Variants in MSI1 observed in about 807,000 individuals in gnomAD.
The protein encoded by MSI1 is RNA-binding protein Musashi homolog 1.
In MSI1, 15 loss-of-function variants were observed where a neutral mutation model predicts 54.4. The observed-to-expected ratio is 0.28, with a 90% confidence interval of 0.18 to 0.42. The LOEUF (loss-of-function observed/expected upper bound fraction) is 0.42. MSI1 is among the 20% of genes least tolerant of loss of function. The pLI, the probability that MSI1 is intolerant of heterozygous loss-of-function variation, is 1.00. For synonymous variants in MSI1, 200 were observed against 196.5 expected, an observed-to-expected ratio of 1.02 and a Z score of -0.15; for missense variants, 304 against 506.0, an observed-to-expected ratio of 0.60 and a Z score of 3.83.
intron 11 of MSI1, 104 bp from the exon 12 acceptor site, chr12:120,347,618 C>A: frequency 7.2e-7 from 1 of 1,389,104 alleles, no homozygotes; most frequent in South Asian, 1.2e-5. Flanking sequence ...GGCCCTACCT[C>A]AGAGGGTTCC....
intron 7 of MSI1, among the ~76,000 whole-genome samples, chr12:120,358,589 C>A (rs190509879): frequency 6.6e-6 from 1 of 152,290 alleles, no homozygotes; most frequent in East Asian, 1.9e-4. Flanking sequence ...ACGGTGTGGC[C>A]CAGATGCTCA....
At chr12:120,347,252 C>T (rs972956404) in intron 12 of MSI1, among the ~76,000 whole-genome samples, 194 bp downstream of exon 12, 1 of 152,214 alleles carries the variant, frequency 6.6e-6, no homozygotes, top group Non-Finnish European at 1.5e-5. Context: ...GCCCAGCCGA[C>T]CCTGTCAGTC....
At chr12:120,364,991 A>G (rs571065094) in intron 4 of MSI1, among the ~76,000 whole-genome samples, 1 of 152,084 alleles carries the variant, frequency 6.6e-6, no homozygotes, top group African/African-American at 2.4e-5. Flanking sequence ...GCTCACTGCA[A>G]CCTCTGCCTC....
chr12:120,366,419 G>A (rs192730512), intron 4 of MSI1, among the ~76,000 whole-genome samples: 23 of 152,068 alleles, frequency 1.5e-4, no homozygotes, highest in African/African-American at 5.5e-4. Flanking sequence ...CATTTCTCCC[G>A]CCTGAAGTTT....
At chr12:120,358,634 C>T (rs1875349889) in intron 7 of MSI1, among the ~76,000 whole-genome samples, 1 of 152,008 alleles carries the variant, frequency 6.6e-6, no homozygotes, top group African/African-American at 2.4e-5. Flanking sequence ...GGGCTGGGGG[C>T]TGGGCAGGAG....
Position 120,346,264 on chromosome 12 carries a change from G to T in MSI1, c.918C>A (p.Gly306=). Reference sequence around the variant, plus strand: ...GGCCGGGGCTGGTGGTCCCCAGGAAGCCCCCTGTGCGGCTGGGAGTCGAAC... The same window carrying T: ...GGCCGGGGCTGGTGGTCCCCAGGAATCCCCCTGTGCGGCTGGGAGTCGAAC... ...PPGSTPSRTG[G]FLGTTSPGPM... The change falls in exon 13 of 15, where the codon GGC becomes GGA. Residue 306 remains glycine (G), a synonymous_variant. Coordinates refer to ENST00000257552, the MANE Select transcript of MSI1 (RefSeq NM_002442.4). 1.9e-6 allele frequency: 3 copies of T among 1,591,776 alleles called. No individual in the cohort carries two copies. Among genetic ancestry groups the T allele is most frequent in the Non-Finnish European group, 2.6e-6 (3 of 1,169,910 alleles).
At chr12:120,362,247 T>C (rs1875721421) in intron 6 of MSI1, among the ~76,000 whole-genome samples, 1 of 151,920 alleles carries the variant, frequency 6.6e-6, no homozygotes, top group Non-Finnish European at 1.5e-5. Flanking sequence ...GATGGGAAAG[T>C]AGAGACCCAG....
intron 9 of MSI1, among the ~76,000 whole-genome samples, chr12:120,355,330 A>G (rs1054264924): frequency 6.6e-6 from 1 of 150,984 alleles, no homozygotes; most frequent in Middle Eastern, 3.4e-3. Flanking sequence ...GCGTGAACCC[A>G]GGAGGCGGAG....
chr12:120,350,435 C>T (rs112517561), intron 11 of MSI1, among the ~76,000 whole-genome samples: 1 of 152,196 alleles, frequency 6.6e-6, no homozygotes, highest in South Asian at 2.1e-4. Context: ...ACCTGCATCT[C>T]TAGGGTTCTC....
chr12:120,354,365 A>G (rs1874890885), intron 9 of MSI1, among the ~76,000 whole-genome samples: 1 of 152,142 alleles, frequency 6.6e-6, no homozygotes, highest in South Asian at 2.1e-4. Flanking sequence ...TTAAGATTAA[A>G]ATTCAGATCT....
chr12:120,356,800 G>C (rs893461193), intron 9 of MSI1, 102 bp downstream of exon 9: 1 of 1,010,668 alleles, frequency 9.9e-7, no homozygotes, highest in Non-Finnish European at 1.5e-6. Flanking sequence ...ACTCAGACAG[G>C]AGGAGGGCAG....
At chr12:120,352,339 A>G (rs976121382) in intron 10 of MSI1, among the ~76,000 whole-genome samples, 1 of 151,970 alleles carries the variant, frequency 6.6e-6, no homozygotes, top group East Asian at 1.9e-4. Flanking sequence ...CAATTTGACT[A>G]TTACCAAAAA....
rs2136924754 is a variant in MSI1, at chr12:120,351,385, C to T, written c.749G>A (p.Arg250Gln). 1.6e-5 allele frequency: 26 copies of T among 1,608,846 alleles called. No homozygotes were observed. The highest frequency in any genetic ancestry group is 4.4e-5 in the South Asian group (4 of 90,752). ...TYQFPEFRVE[R>Q]TPLPSAPVLP... ...GACTGGGGCGCTCGGGAGAGGGGTC[C>T]GCTCTACACGGAATTCTAAAATGAA... Residue 250 changes from arginine to glutamine, a missense_variant, in exon 11 of 15, where the codon CGG becomes CAG. Transcript: ENST00000257552.
intron 9 of MSI1, 145 bp downstream of exon 9, chr12:120,356,757 C>T (rs1875156094): frequency 9.3e-6 from 7 of 749,496 alleles, no homozygotes; most frequent in Non-Finnish European, 1.3e-5. Context: ...CTGCCAGACC[C>T]GACAGATCCC....
At chr12:120,357,219 CACCAATACT>C (rs561745022) in intron 8 of MSI1, among the ~76,000 whole-genome samples, 200 bp from the exon 9 acceptor site, 129 of 152,356 alleles carry the variant, frequency 8.5e-4, no homozygotes, top group African/African-American at 3.0e-3. Flanking sequence ...TGAATGCTTA[CACCAATACT>C]ACCAATACTA....
chr12:120,347,369 T>C, intron 12 of MSI1, 77 bp downstream of exon 12: 1 of 1,512,864 alleles, frequency 6.6e-7, no homozygotes. Context: ...GGGGTGGCAG[T>C]GGCCTTCTCC....
chr12:120,358,651 G>A (rs1333800459), intron 7 of MSI1, among the ~76,000 whole-genome samples: 2 of 152,116 alleles, frequency 1.3e-5, no homozygotes, highest in Non-Finnish European at 2.9e-5. Flanking sequence ...GGAGGTGACT[G>A]CCTGGGGCTG....
chr12:120,347,280 G>A (rs563376444), intron 12 of MSI1, among the ~76,000 whole-genome samples, 166 bp downstream of exon 12: 11 of 152,298 alleles, frequency 7.2e-5, no homozygotes, highest in African/African-American at 2.4e-4. Context: ...GGGCTGGCTC[G>A]CCCATGCTGG....
chr12:120,363,705 C>T (rs983561418), intron 5 of MSI1, among the ~76,000 whole-genome samples: 1 of 152,204 alleles, frequency 6.6e-6, no homozygotes, highest in Non-Finnish European at 1.5e-5. Context: ...TGGAATTAAC[C>T]CAGTTCCAAC....
Sources: gnomAD v4.1 joint callset for allele counts (sites outside exome capture counted in the v4.1 genomes callset) on GRCh38, gnomAD v4.1.1 for gene constraint, MANE v1.5 for transcripts, NCBI Gene and HGNC (gene_info 2026-07-23, HGNC 2026-07-21) for gene names.